Variants in PIGK observed in about 807,000 individuals in gnomAD.
PIGK encodes the protein GPI-anchor transamidase.
PIGK carries 42 observed loss-of-function variants against 50.6 expected under a neutral mutation model. That is an observed-to-expected ratio of 0.83 (90% CI 0.65 to 1.07). The LOEUF (loss-of-function observed/expected upper bound fraction) is 1.07. Among genes scored for constraint, PIGK ranks in the 50% least tolerant of loss-of-function variants. The pLI, the probability that PIGK is intolerant of heterozygous loss-of-function variation, is 0.00. For missense variants in PIGK, 448 were observed against 488.7 expected (o/e 0.92, Z 0.78); for synonymous variants, 151 against 156.0 (o/e 0.97, Z 0.24).
chr1:77,206,460 A>G (rs1162442030), intron 3 of PIGK, among the ~76,000 whole-genome samples, 180 bp downstream of exon 3: 1 of 152,180 alleles, frequency 6.6e-6, no homozygotes, highest in Non-Finnish European at 1.5e-5. Context: ...ATTTGTCATT[A>G]TGGTCTTAAG....
At chr1:77,215,079 G>T (rs757671840) in intron 1 of PIGK, among the ~76,000 whole-genome samples, 18 of 152,096 alleles carry the variant, frequency 1.2e-4, no homozygotes, top group Non-Finnish European at 2.1e-4. Context: ...ATCACCTAAA[G>T]TGATCTACAG....
chr1:77,116,396 A>G (rs371313878), intron 10 of PIGK, among the ~76,000 whole-genome samples: 1 of 152,020 alleles, frequency 6.6e-6, no homozygotes, highest in Non-Finnish European at 1.5e-5. Flanking sequence ...CATGTTAGCC[A>G]GGATGGTCTC....
Position 77,089,952 on chromosome 1 carries a change from G to A in PIGK, c.*2422C>T, listed in dbSNP as rs1276195134. The A allele has an allele frequency of 6.6e-6, 1 of 152,154 alleles. No homozygotes were observed. Among genetic ancestry groups the A allele is most frequent in the Non-Finnish European group, 1.5e-5 (1 of 68,026 alleles). 9.4% of individuals were successfully genotyped at this position (152,154 alleles called of 1,614,324 possible). ...TTTTCTCTCTGAAGGACACCATGGGGGAGGAGAAAAAGAACAGCAAAGAGA... is the reference window on the plus strand; with the variant it reads ...TTTTCTCTCTGAAGGACACCATGGGAGAGGAGAAAAAGAACAGCAAAGAGA... On this transcript the variant is annotated 3_prime_UTR_variant, in exon 11 of 11. Transcript: ENST00000370812.
intron 8 of PIGK, among the ~76,000 whole-genome samples, chr1:77,155,969 C>G (rs1176684555): frequency 6.6e-6 from 1 of 152,108 alleles, no homozygotes; most frequent in African/African-American, 2.4e-5. Flanking sequence ...CAAACTAAGG[C>G]TCAAAGAGAT....
Position 77,163,856 on chromosome 1 carries a change from G to T in PIGK, c.574C>A (p.Gln192Lys). 1 of 1,594,532 alleles carries T rather than the reference G, an allele frequency of 6.3e-7. No homozygotes were observed. Among genetic ancestry groups the T allele is most frequent in the Non-Finnish European group, 8.6e-7 (1 of 1,164,896 alleles). Residue 192 changes from glutamine to lysine, a missense_variant, in exon 6 of 11, where the codon CAG becomes AAG. Physicochemically the swap from Gln to Lys is moderately conservative, Grantham distance 53. Transcript: ENST00000370812. ...ELADAFEQMW[Q>K]KRRYNELLFI... is the part of the protein sequence containing the mutation. The stretch of plus-strand genomic sequence containing the variant: ...TAATTTGCTAATTACCGTCTTTTCT[G>T]CCACATTTGTTCAAAAGCATCCGCG...
rs1328719592 is a variant in PIGK, at chr1:77,161,582, A to G, written c.702+12T>C. 5.9e-6 allele frequency: 7 copies of G among 1,190,426 alleles called. No individual in the cohort carries two copies. Among genetic ancestry groups the G allele is most frequent in the Non-Finnish European group, 6.3e-6 (5 of 793,250 alleles). The allele number at this position is 1,190,426 out of a possible 1,614,324, so 73.7% of individuals were successfully genotyped here. ...CAAAGACACAGTTTACAAATGGGGA[A>G]AATGCACATACCGAGAGTGAATCTT... On this transcript the variant is annotated intron_variant, in intron 7 of 10. Transcript: ENST00000370812.
chr1:77,189,724 TATATATATATATATATATATATATAC>T (rs1311204487), intron 3 of PIGK, among the ~76,000 whole-genome samples: 2,056 of 70,700 alleles, frequency 0.029, 32 homozygotes, highest in African/African-American at 0.09. Flanking sequence ...TATATATATA[TATATATATATATATATATATATATAC>T]ACACACACAC....
intron 8 of PIGK, among the ~76,000 whole-genome samples, chr1:77,154,824 C>G (rs1309904387): frequency 6.6e-6 from 1 of 152,076 alleles, no homozygotes; most frequent in Admixed American, 6.6e-5. Context: ...GACATTAGGA[C>G]AGTAATAAAA....
rs574659784 is a variant in PIGK at position 77,154,360 on chromosome 1, C to A, written c.986+89G>T. 4 of 916,742 alleles carry A rather than the reference C, an allele frequency of 4.4e-6. No homozygotes were observed. The African/African-American group carries it at 5.0e-5, about 11-fold the overall frequency. 56.8% of individuals were successfully genotyped at this position (916,742 alleles called of 1,614,324 possible). ...AAATGTGTAATTTTATTTACAAACA[C>A]CAACTTTTGCCTCTTAATACAATGT... is the stretch of plus-strand genomic sequence containing the variant. On this transcript the variant is annotated intron_variant, in intron 9 of 10. Coordinates refer to ENST00000370812, the MANE Select transcript of PIGK (RefSeq NM_005482.3).
At chr1:77,176,979 A>G (rs1037419610) in intron 3 of PIGK, among the ~76,000 whole-genome samples, 1 of 152,330 alleles carries the variant, frequency 6.6e-6, no homozygotes, top group East Asian at 1.9e-4. Context: ...TGTCAAACCC[A>G]TATTCATGGG....
intron 3 of PIGK, among the ~76,000 whole-genome samples, chr1:77,189,432 G>C (rs1317879977): frequency 6.6e-6 from 1 of 152,022 alleles, no homozygotes; most frequent in Non-Finnish European, 1.5e-5. Flanking sequence ...AGTGGGCTAG[G>C]AAAGGCAGAC....
At chr1:77,165,556 T>A (rs1233560948) in intron 5 of PIGK, among the ~76,000 whole-genome samples, 1 of 151,454 alleles carries the variant, frequency 6.6e-6, no homozygotes, top group Non-Finnish European at 1.5e-5. Flanking sequence ...ATCTTTTGAT[T>A]AACATCCATA....
intron 10 of PIGK, among the ~76,000 whole-genome samples, chr1:77,113,888 A>C (rs1429463114): frequency 1.3e-5 from 2 of 152,048 alleles, no homozygotes; most frequent in Admixed American, 6.6e-5. Context: ...TTTTGAACCC[A>C]CATCTCTTCA....
intron 9 of PIGK, among the ~76,000 whole-genome samples, chr1:77,130,869 G>A (rs1239791455): frequency 6.6e-6 from 1 of 152,054 alleles, no homozygotes; most frequent in African/African-American, 2.4e-5. Flanking sequence ...CACATCTGTA[G>A]TCACATATAA....
chr1:77,139,562 C>T (rs1654597911), intron 9 of PIGK, among the ~76,000 whole-genome samples: 1 of 152,128 alleles, frequency 6.6e-6, no homozygotes, highest in Non-Finnish European at 1.5e-5. Flanking sequence ...CTCAGGGAAG[C>T]TGCATGTTTA....
At chr1:77,146,302 C>T (rs769014558) in intron 9 of PIGK, among the ~76,000 whole-genome samples, 1 of 152,104 alleles carries the variant, frequency 6.6e-6, no homozygotes, top group African/African-American at 2.4e-5. Context: ...ATAATAGGTA[C>T]TAAGCATAAA....
At chr1:77,196,599 G>A (rs1480729057) in intron 3 of PIGK, among the ~76,000 whole-genome samples, 1 of 151,840 alleles carries the variant, frequency 6.6e-6, no homozygotes, top group Non-Finnish European at 1.5e-5. Flanking sequence ...ATGTTTTTTG[G>A]CCGTTTGTAT....
intron 9 of PIGK, among the ~76,000 whole-genome samples, chr1:77,144,393 T>G (rs1194953918): frequency 6.6e-6 from 1 of 151,988 alleles, no homozygotes; most frequent in East Asian, 1.9e-4. Context: ...CCTCTAATTG[T>G]TTTATAAATA....
chr1:77,181,056 T>C (rs1481783486), intron 3 of PIGK, among the ~76,000 whole-genome samples: 1 of 152,312 alleles, frequency 6.6e-6, no homozygotes, highest in South Asian at 2.1e-4. Context: ...ATCATGCCTA[T>C]ATAGATATTT....
Sources: allele counts gnomAD v4.1 joint callset (sites outside exome capture counted in the v4.1 genomes callset), GRCh38; gene constraint gnomAD v4.1.1; transcripts MANE v1.5; gene names NCBI Gene and HGNC (gene_info 2026-07-23, HGNC 2026-07-21).